ZRANB3: variants seen among roughly 807,000 people sequenced by gnomAD.
ZRANB3 encodes the protein DNA annealing helicase and endonuclease ZRANB3.
Under a neutral mutation model 133.8 loss-of-function variants are expected in ZRANB3, and 125 were observed. The ratio of observed to expected loss-of-function variants is 0.93; its 90% CI spans 0.81 to 1.08. The LOEUF is 1.08. ZRANB3 is among the 50% of genes least tolerant of loss of function. ZRANB3 has a pLI of 0.00. For missense variants in ZRANB3, 1,229 were observed against 1,275.5 expected, an observed-to-expected ratio of 0.96 and a Z score of 0.56; for synonymous variants, 387 against 432.7, an observed-to-expected ratio of 0.89 and a Z score of 1.31.
rs1693445186 is a variant in ZRANB3, at chr2:135,197,211, T to C, written c.*3131A>G. On this transcript the variant is annotated 3_prime_UTR_variant, in exon 21 of 21. Transcript: ENST00000264159. ...CAGGCTAATAATATGCAACAGAAAA[T>C]GAGACATTATTTTTATAATTTATTT... is the stretch of plus-strand genomic sequence containing the variant. The C allele has an allele frequency of 6.6e-6, 1 of 152,090 alleles. No individual in the cohort carries two copies. The highest frequency in any genetic ancestry group is 2.4e-5 in the African/African-American group (1 of 41,416). The allele number at this position is 152,090 out of a possible 1,614,324, so 9.4% of individuals were successfully genotyped here.
chr2:135,375,822 C>T (rs542873478), intron 3 of ZRANB3, among the ~76,000 whole-genome samples: 6 of 151,370 alleles, frequency 4.0e-5, no homozygotes, highest in African/African-American at 7.3e-5. Flanking sequence ...TGCCACTGCA[C>T]GCCAGCCTGG....
intron 16 of ZRANB3, 55 bp from the exon 17 acceptor site, chr2:135,217,662 T>C: frequency 6.3e-7 from 1 of 1,575,710 alleles, no homozygotes. Flanking sequence ...TATCTTCCTT[T>C]GAATGTGAGC....
At chr2:135,501,705 A>G (rs959449536) in intron 2 of ZRANB3, among the ~76,000 whole-genome samples, 3 of 152,128 alleles carry the variant, frequency 2.0e-5, no homozygotes, top group African/African-American at 7.2e-5. Context: ...ATGACACTGA[A>G]TCCTTTGAAG....
In ZRANB3 at chr2:135,302,499, T is replaced by C. The variant is rs548013379; in HGVS notation, c.966+10990A>G. Among the ~76,000 whole-genome samples, 120 of 151,826 alleles carry C rather than the reference T, an allele frequency of 7.9e-4. 1 individual carries two copies. Among genetic ancestry groups the C allele is most frequent in the African/African-American group, 2.6e-3 (107 of 41,258 alleles). On this transcript the variant is annotated intron_variant, in intron 8 of 20. Transcript: ENST00000264159. ...TTAGATGCCAGATTCCTATTTATTGTCAACGCTTCTGACTTCAAACCAGGG... is the reference window on the plus strand; with the variant it reads ...TTAGATGCCAGATTCCTATTTATTGCCAACGCTTCTGACTTCAAACCAGGG...
At chr2:135,418,828 C>G (rs115378380) in intron 2 of ZRANB3, among the ~76,000 whole-genome samples, 4 of 150,328 alleles carry the variant, frequency 2.7e-5, no homozygotes, top group African/African-American at 9.8e-5. Context: ...TCCTGAGACA[C>G]TACAAAGAGG....
intron 2 of ZRANB3, among the ~76,000 whole-genome samples, chr2:135,437,966 G>C (rs565078452): frequency 7.9e-5 from 12 of 152,266 alleles, no homozygotes; most frequent in Non-Finnish European, 1.8e-4. Flanking sequence ...AAAAAAGGTA[G>C]AGGAAGGGTG....
Position 135,335,102 on chromosome 2 carries a change from G to A in ZRANB3, c.677+10448C>T, listed in dbSNP as rs184534201. ...CTCCCTTGAGACATTTCTTGAAGCT[G>A]ACAATGACCCATTAATTAACAATCT... On this transcript the variant is annotated intron_variant, in intron 6 of 20. Coordinates refer to ENST00000264159, the MANE Select transcript of ZRANB3 (RefSeq NM_032143.4). 5.9e-5 allele frequency among the ~76,000 whole-genome samples: 9 copies of A among 152,010 alleles called. No homozygotes were observed. The East Asian group carries it at 1.5e-3, about 26-fold the overall frequency.
At position 135,438,289 on chromosome 2, in the gene ZRANB3, G is replaced by A. The variant is rs181277411; in HGVS notation, c.162-47469C>T. 4.4e-3 allele frequency among the ~76,000 whole-genome samples: 667 copies of A among 152,132 alleles called. 6 individuals carry two copies. The highest frequency in any genetic ancestry group is 0.015 in the African/African-American group (637 of 41,488). On this transcript the variant is annotated intron_variant, in intron 2 of 20. Coordinates refer to ENST00000264159, the MANE Select transcript of ZRANB3 (RefSeq NM_032143.4). ...GGAGGCTGAGGCGGGTGGATCACCT[G>A]AGGTCAGGAGTTCGAGACCAGCCTT...
At chr2:135,328,348 T>G (rs568534787) in intron 6 of ZRANB3, among the ~76,000 whole-genome samples, 5 of 152,078 alleles carry the variant, frequency 3.3e-5, no homozygotes, top group Non-Finnish European at 7.4e-5. Flanking sequence ...AGTTTGAGAA[T>G]GATGGTTTCC....
chr2:135,303,955 G>A (rs868632279), intron 8 of ZRANB3, among the ~76,000 whole-genome samples: 40 of 152,176 alleles, frequency 2.6e-4, no homozygotes, highest in Middle Eastern at 3.4e-3. Context: ...TATACAGAAC[G>A]AGAAACGATT....
intron 8 of ZRANB3, among the ~76,000 whole-genome samples, chr2:135,278,269 A>T (rs963322458): frequency 5.3e-5 from 8 of 152,214 alleles, no homozygotes; most frequent in Non-Finnish European, 1.0e-4. Flanking sequence ...TAGAATAACA[A>T]TTCTGAATTG....
intron 1 of ZRANB3, among the ~76,000 whole-genome samples, chr2:135,527,456 G>C (rs1302346034): frequency 2.6e-5 from 4 of 152,144 alleles, no homozygotes; most frequent in Non-Finnish European, 4.4e-5. Flanking sequence ...CTACTCAGGA[G>C]GCTGAGACAG....
At chr2:135,318,678 A>ACGTGAAAAACTGGGGTTTT (rs1683375013) in intron 6 of ZRANB3, among the ~76,000 whole-genome samples, 1 of 152,190 alleles carries the variant, frequency 6.6e-6, no homozygotes, top group Non-Finnish European at 1.5e-5. Context: ...CGAAAAGTTT[A>ACGTGAAAAACTGGGGTTTT]CGTGAAAAAC....
chr2:135,306,319 A>C (rs1573876979), intron 8 of ZRANB3, among the ~76,000 whole-genome samples: 5 of 126,694 alleles, frequency 3.9e-5, no homozygotes, highest in South Asian at 2.4e-4. Context: ...GTGGAGTCTC[A>C]CTCTGTCACC....
In ZRANB3 at chr2:135,432,206, C is replaced by T. The variant is rs947791886; in HGVS notation, c.162-41386G>A. 5.3e-5 allele frequency among the ~76,000 whole-genome samples: 8 copies of T among 152,136 alleles called. No individual in the cohort carries two copies. The East Asian group carries it at 1.2e-3, about 22-fold the overall frequency. ...CGGAGGCTGCAGTGAGCTGAGATTG[C>T]GCCATTGAACTCCAGCCTGGGCATT... On this transcript the variant is annotated intron_variant, in intron 2 of 20. Coordinates refer to ENST00000264159, the MANE Select transcript of ZRANB3 (RefSeq NM_032143.4).
chr2:135,411,875 T>C (rs559376466), intron 2 of ZRANB3, among the ~76,000 whole-genome samples: 15 of 152,248 alleles, frequency 9.9e-5, no homozygotes, highest in Non-Finnish European at 1.9e-4. Flanking sequence ...AATATACCTA[T>C]GTACCAAACC....
chr2:135,440,783 TGTGA>T (rs1450736621), intron 2 of ZRANB3, among the ~76,000 whole-genome samples: 1 of 152,192 alleles, frequency 6.6e-6, no homozygotes, highest in East Asian at 1.9e-4. Flanking sequence ...ACCTACAAAC[TGTGA>T]GTGACAAATG....
intron 3 of ZRANB3, among the ~76,000 whole-genome samples, chr2:135,363,129 A>G (rs1324355621): frequency 6.6e-6 from 1 of 152,220 alleles, no homozygotes; most frequent in East Asian, 1.9e-4. Context: ...AAGAAGTGAT[A>G]ATCTATATCA....
intron 2 of ZRANB3, among the ~76,000 whole-genome samples, chr2:135,405,733 C>T (rs965430223): frequency 9.9e-5 from 15 of 152,126 alleles, no homozygotes; most frequent in African/African-American, 3.4e-4. Context: ...GGGTACATAA[C>T]AAAATGAAGG....
Sources: allele counts gnomAD v4.1 joint callset (sites outside exome capture counted in the v4.1 genomes callset), GRCh38; gene constraint gnomAD v4.1.1; transcripts MANE v1.5; gene names NCBI Gene and HGNC (gene_info 2026-07-23, HGNC 2026-07-21).